The following CYP4F3 variants were observed in gnomAD, a reference collection of about 807,000 sequenced individuals.
The protein encoded by CYP4F3 is cytochrome P450 family 4 subfamily F member 3, also known as cytochrome P450 4F3.
CYP4F3 carries 50 observed loss-of-function variants against 54.8 expected under a neutral mutation model. The ratio of observed to expected loss-of-function variants is 0.91; its 90% confidence interval spans 0.73 to 1.16. CYP4F3 has a LOEUF of 1.16. CYP4F3 is among the 50% of genes most tolerant of loss of function. The pLI, the probability that CYP4F3 is intolerant of heterozygous loss-of-function variation, is 0.00. For missense variants in CYP4F3, 715 were observed against 676.2 expected, an observed-to-expected ratio of 1.06 and a Z score of -0.64; for synonymous variants, 244 against 262.6, an observed-to-expected ratio of 0.93 and a Z score of 0.69.
intron 12 of CYP4F3, among the ~76,000 whole-genome samples, 186 bp from the exon 13 acceptor site, chr19:15,659,034 G>A (rs1261338883): frequency 2.1e-5 from 1 of 46,516 alleles, no homozygotes; most frequent in South Asian, 5.2e-4. Flanking sequence ...GTCTAGGCTG[G>A]GGGGTTGGAG....
chr19:15,646,957 A>G, intron 3 of CYP4F3, 95 bp from the exon 4 acceptor site: 1 of 1,543,226 alleles, frequency 6.5e-7, no homozygotes, highest in Non-Finnish European at 8.8e-7. Context: ...GCTTGGAGGG[A>G]AGAAGTGCAA....
rs1973200270 is a variant in CYP4F3 at position 15,662,301 on chromosome 19, A to AAG, written c.*2916_*2917insAG. 6.7e-6 allele frequency: 1 copy of AAG among 150,064 alleles called. No individual in the cohort carries two copies. The highest frequency in any genetic ancestry group is 1.5e-5 in the Non-Finnish European group (1 of 67,668). The allele number at this position is 150,064 out of a possible 1,614,324, so 9.3% of individuals were successfully genotyped here. On this transcript the variant is annotated 3_prime_UTR_variant, in exon 13 of 13. Coordinates refer to ENST00000221307, the MANE Select transcript of CYP4F3 (RefSeq NM_000896.3). ...AAAAAAAAAAAAAAAAAGGAAAGAA[A>AAG]GAAAGAAAAGAAAAGAAAATCCTTT...
At chr19:15,653,472 G>T (rs1471906649) in intron 9 of CYP4F3, among the ~76,000 whole-genome samples, 1 of 152,064 alleles carries the variant, frequency 6.6e-6, no homozygotes, top group Non-Finnish European at 1.5e-5. Context: ...ATCTTTCTGT[G>T]CTCTGGAGAC....
intron 3 of CYP4F3, among the ~76,000 whole-genome samples, chr19:15,646,622 G>A (rs1972633054): frequency 6.6e-6 from 1 of 152,144 alleles, no homozygotes; most frequent in South Asian, 2.1e-4. Context: ...CAGGACTTGT[G>A]AACACATGTC....
chr19:15,649,397 C>T (rs1972721711), intron 6 of CYP4F3, 116 bp downstream of exon 6: 1 of 1,528,942 alleles, frequency 6.5e-7, no homozygotes, highest in East Asian at 2.3e-5. Context: ...AGTTGTTATA[C>T]CTGATCGTTG....
chr19:15,654,738 T>G (rs1404256655), intron 9 of CYP4F3, among the ~76,000 whole-genome samples: 1 of 152,262 alleles, frequency 6.6e-6, no homozygotes, highest in Non-Finnish European at 1.5e-5. Flanking sequence ...ACACTACATT[T>G]TCTTTATACA....
At position 15,658,374 on chromosome 19, in the gene CYP4F3, C is replaced by T. The variant is rs762067897; in HGVS notation, c.1226C>T (p.Pro409Leu). The change falls in exon 10 of 13, where the codon CCA (proline) becomes CTA (leucine). Residue 409 changes from proline to leucine, a missense_variant. Transcript: ENST00000221307. ...TGCTGCACCCAAGACATTGTGCTCC[C>T]AGACGGCCGGGTCATCCCCAAAGGT... ...SRCCTQDIVL[P>L]DGRVIPKGII... The T allele has an allele frequency of 6.2e-7, 1 of 1,614,148 alleles. No homozygotes were observed. Among genetic ancestry groups the T allele is most frequent in the Non-Finnish European group, 8.5e-7 (1 of 1,180,012 alleles).
At chr19:15,650,404 T>G (rs566394041) in intron 7 of CYP4F3, 21 of 869,288 alleles carry the variant, frequency 2.4e-5, no homozygotes, top group Non-Finnish European at 3.5e-5. Flanking sequence ...ATTTACTCTA[T>G]TTATAAGTTA....
chr19:15,646,484 T>C (rs1359755881), intron 3 of CYP4F3, among the ~76,000 whole-genome samples: 2 of 152,198 alleles, frequency 1.3e-5, no homozygotes, highest in Non-Finnish European at 2.9e-5. Context: ...TCGTTAAAGG[T>C]ACCATATTTA....
chr19:15,657,828 A>G (rs1327441206), intron 9 of CYP4F3, among the ~76,000 whole-genome samples: 1 of 152,052 alleles, frequency 6.6e-6, no homozygotes, highest in Non-Finnish European at 1.5e-5. Context: ...TGGACCCTTT[A>G]AAAGTATTTA....
Position 15,647,185 on chromosome 19 carries a change from C to T in CYP4F3, c.398-12C>T, listed in dbSNP as rs1972653941. On this transcript the variant is annotated splice_polypyrimidine_tract_variant and intron_variant, in intron 4 of 12. Transcript: ENST00000221307. ...AGATGCCCTTGCCCATGGCCCTTGG[C>T]TGCCCTGCCAGGGGATGGGCTCCTG... 1.9e-6 allele frequency: 3 copies of T among 1,614,234 alleles called. No individual in the cohort carries two copies. The highest frequency in any genetic ancestry group is 1.6e-4 in the Middle Eastern group (1 of 6,062).
intron 10 of CYP4F3, 24 bp downstream of exon 10, chr19:15,658,421 G>GCCTCCTGGCT (rs1343204504): frequency 6.2e-7 from 1 of 1,613,568 alleles, no homozygotes; most frequent in South Asian, 1.1e-5. Context: ...AGGGGGAGGA[G>GCCTCCTGGCT]CCTCCTGGGT....
chr19:15,643,965 A>AG (rs1388853902), intron 2 of CYP4F3: 8 of 1,606,190 alleles, frequency 5.0e-6, no homozygotes, highest in Non-Finnish European at 6.8e-6. Context: ...ACCTACCCCC[A>AG]GGGCTTTAAG....
chr19:15,648,806 T>C (rs1386489426), intron 5 of CYP4F3, among the ~76,000 whole-genome samples: 2 of 152,182 alleles, frequency 1.3e-5, no homozygotes, highest in Non-Finnish European at 2.9e-5. Flanking sequence ...GAGCTTGGCA[T>C]GGTGGAGCAG....
Position 15,662,627 on chromosome 19 carries a change from C to G in CYP4F3, c.*3242C>G, listed in dbSNP as rs538433458. ...GATTTCTGTGAATCTATAGATCAATCTGAGGAGACTTAATAATGATATTGA... is the reference window on the plus strand; with the variant it reads ...GATTTCTGTGAATCTATAGATCAATGTGAGGAGACTTAATAATGATATTGA... On this transcript the variant is annotated 3_prime_UTR_variant, in exon 13 of 13. Transcript: ENST00000221307. 3 of 152,184 alleles carry G rather than the reference C, an allele frequency of 2.0e-5. No homozygotes were observed. Among genetic ancestry groups the G allele is most frequent in the East Asian group, 1.9e-4 (1 of 5,204 alleles). 9.4% of individuals were successfully genotyped at this position (152,184 alleles called of 1,614,324 possible).
Position 15,658,442 on chromosome 19 carries a change from G to C in CYP4F3, c.1249+45G>C, listed in dbSNP as rs777177708. ...AGGAGCCTCCTGGGTAGGAAGAGGG[G>C]CCCCTCAGGCAGGGAGCATTGTCCT... On this transcript the variant is annotated intron_variant, in intron 10 of 12. Transcript: ENST00000221307. The C allele has an allele frequency of 1.4e-4, 221 of 1,613,692 alleles. No individual in the cohort carries two copies. In the Middle Eastern group the frequency reaches 5.8e-3, roughly 42 times the overall value.
intron 2 of CYP4F3, chr19:15,643,915 C>A: frequency 6.3e-7 from 1 of 1,582,402 alleles, no homozygotes. Context: ...AGGTCACCCC[C>A]ACGGAGCAGG....
At chr19:15,648,848 C>T (rs1478004498) in intron 5 of CYP4F3, among the ~76,000 whole-genome samples, 1 of 152,124 alleles carries the variant, frequency 6.6e-6, no homozygotes. Flanking sequence ...GGCTCCAAAG[C>T]ACATCATCTT....
At position 15,652,863 on chromosome 19, in the gene CYP4F3, C is replaced by A. The variant is rs532340633; in HGVS notation, c.1026C>A (p.Tyr342Ter). ...CCAGTGGTCTCTCCTGGGTCCTGTA[C>A]CACCTTGCAAAGCACCCGGAATACC... ...TTASGLSWVL[Y>*]HLAKHPEYQE... The change falls in exon 9 of 13, where the codon TAC (tyrosine) becomes TAA (stop). Residue 342 changes from tyrosine (Y) to a stop codon, truncating the protein, a stop_gained. Coordinates refer to ENST00000221307, the MANE Select transcript of CYP4F3 (RefSeq NM_000896.3). LOFTEE classifies it high-confidence loss of function. The A allele has an allele frequency of 1.9e-6, 3 of 1,613,726 alleles. No homozygotes were observed. The highest frequency in any genetic ancestry group is 4.5e-5 in the East Asian group (2 of 44,892).
Sources: allele counts gnomAD v4.1 joint callset (sites outside exome capture counted in the v4.1 genomes callset), GRCh38; gene constraint gnomAD v4.1.1; transcripts MANE v1.5; gene names NCBI Gene and HGNC (gene_info 2026-07-23, HGNC 2026-07-21).